Variants in RBFOX1 observed in about 807,000 individuals in gnomAD.
RBFOX1 encodes the protein RNA binding fox-1 homolog 1.
RBFOX1 carries 8 observed loss-of-function variants against 57.7 expected under a neutral mutation model. The ratio of observed to expected loss-of-function variants is 0.14; its 90% CI spans 0.08 to 0.25. The LOEUF is 0.25. Among genes scored for constraint, RBFOX1 ranks in the 10% least tolerant of loss-of-function variants. RBFOX1 has a pLI of 1.00. For synonymous variants in RBFOX1, 326 were observed against 222.4 expected (o/e 1.47, Z -4.15); for missense variants, 611 against 548.5 (o/e 1.11, Z -1.14).
At chr16:7,506,583 T>C (rs1303024476) in intron 4 of RBFOX1, among the ~76,000 whole-genome samples, 3 of 149,434 alleles carry the variant, frequency 2.0e-5, no homozygotes, top group African/African-American at 5.1e-5. Flanking sequence ...ATCACCTTCA[T>C]CATCATCATC....
intron 1 of RBFOX1, among the ~76,000 whole-genome samples, chr16:6,047,053 A>G (rs935576673): frequency 1.3e-5 from 2 of 152,188 alleles, no homozygotes; most frequent in African/African-American, 4.8e-5. Flanking sequence ...GGAGCTGAAG[A>G]TATATTCTCG....
At chr16:7,700,728 C>G (rs1007804872) in intron 14 of RBFOX1, among the ~76,000 whole-genome samples, 1 of 152,258 alleles carries the variant, frequency 6.6e-6, no homozygotes, top group African/African-American at 2.4e-5. Context: ...ATTTCATCAC[C>G]AAAAGTGGGA....
rs142800342 is a variant in RBFOX1 at position 6,782,131 on chromosome 16, C to T, written c.-16+127481C>T. Among the ~76,000 whole-genome samples, 28 of 152,200 alleles carry T rather than the reference C, an allele frequency of 1.8e-4. No homozygotes were observed. The East Asian group carries it at 3.9e-3, about 21-fold the overall frequency. On this transcript the variant is annotated intron_variant, in intron 3 of 15. Coordinates refer to ENST00000550418, the MANE Select transcript of RBFOX1 (RefSeq NM_018723.4). ...ACGTGATTCTCCTGCCTCAGCCTCC[C>T]GAGTAGCTGGGACTACGGGCATGCA... is the stretch of plus-strand genomic sequence containing the variant.
intron 2 of RBFOX1, among the ~76,000 whole-genome samples, chr16:6,635,854 A>C (rs1356740470): frequency 6.6e-6 from 1 of 152,156 alleles, no homozygotes; most frequent in Admixed American, 6.5e-5. Flanking sequence ...TATTCCTTTT[A>C]TTCAAAATGT....
At chr16:6,689,909 G>A (rs551304051) in intron 3 of RBFOX1, among the ~76,000 whole-genome samples, 12 of 152,170 alleles carry the variant, frequency 7.9e-5, no homozygotes, top group Non-Finnish European at 1.3e-4. Flanking sequence ...GTGTGCTTGT[G>A]TTTGTCAATT....
chr16:5,397,631 T>C (rs2066598254), intron 1 of RBFOX1, among the ~76,000 whole-genome samples: 1 of 152,116 alleles, frequency 6.6e-6, no homozygotes, highest in South Asian at 2.1e-4. Context: ...ATGAAAGGCA[T>C]GAAGAAAAGA....
intron 3 of RBFOX1, among the ~76,000 whole-genome samples, chr16:5,643,287 C>A (rs1008307804): frequency 6.6e-6 from 1 of 152,160 alleles, no homozygotes; most frequent in Non-Finnish European, 1.5e-5. Context: ...GGCTTCTTGG[C>A]TGTCCTTGAT....
intron 4 of RBFOX1, among the ~76,000 whole-genome samples, chr16:7,368,214 C>G (rs956958950): frequency 1.3e-5 from 2 of 150,794 alleles, no homozygotes; most frequent in African/African-American, 4.9e-5. Context: ...TTGCAATAAG[C>G]CAAGATCCTG....
At chr16:7,198,410 C>G (rs1567671789) in intron 4 of RBFOX1, among the ~76,000 whole-genome samples, 1 of 152,166 alleles carries the variant, frequency 6.6e-6, no homozygotes, top group Non-Finnish European at 1.5e-5. Flanking sequence ...CTCATTTGTA[C>G]ACTTAAAAAT....
intron 1 of RBFOX1, among the ~76,000 whole-genome samples, chr16:6,175,022 A>G (rs1253911054): frequency 6.6e-6 from 1 of 152,214 alleles, no homozygotes; most frequent in African/African-American, 2.4e-5. Context: ...TTCTTTAACC[A>G]TAGTGTGGTA....
intron 3 of RBFOX1, among the ~76,000 whole-genome samples, chr16:6,842,179 TAAATA>T (rs1373791160): frequency 6.6e-6 from 1 of 151,416 alleles, no homozygotes; most frequent in Non-Finnish European, 1.5e-5. Flanking sequence ...AATAAATAAA[TAAATA>T]AATAAATTGG....
At chr16:5,405,434 G>T (rs576748372) in intron 1 of RBFOX1, among the ~76,000 whole-genome samples, 33 of 152,192 alleles carry the variant, frequency 2.2e-4, no homozygotes, top group Non-Finnish European at 4.7e-4. Context: ...TGCCATGTAA[G>T]ATGTGCCTTT....
chr16:6,250,900 T>A (rs975952597), intron 1 of RBFOX1, among the ~76,000 whole-genome samples: 5 of 152,186 alleles, frequency 3.3e-5, no homozygotes, highest in Admixed American at 1.3e-4. Context: ...ATTGTCCCTG[T>A]CTCTGAACCC....
At chr16:7,482,392 G>A (rs17143797) in intron 4 of RBFOX1, among the ~76,000 whole-genome samples, 1 of 152,014 alleles carries the variant, frequency 6.6e-6, no homozygotes, top group African/African-American at 2.4e-5. Context: ...GACAGTGATT[G>A]CTGCGTCAGG....
At chr16:7,702,509 A>T (rs555649858) in intron 14 of RBFOX1, among the ~76,000 whole-genome samples, 2 of 152,350 alleles carry the variant, frequency 1.3e-5, no homozygotes, top group Admixed American at 1.3e-4. Flanking sequence ...GTTGGAAAAC[A>T]TAAATGCCCA....
chr16:5,924,444 T>C (rs1025816425), intron 4 of RBFOX1, among the ~76,000 whole-genome samples: 2 of 152,130 alleles, frequency 1.3e-5, no homozygotes, highest in Admixed American at 6.5e-5. Context: ...GGGAATGCGA[T>C]TGGTGGGTAA....
intron 2 of RBFOX1, among the ~76,000 whole-genome samples, chr16:5,581,182 A>G (rs1249144432): frequency 6.6e-6 from 1 of 152,166 alleles, no homozygotes; most frequent in Non-Finnish European, 1.5e-5. Context: ...TTTCTGACAG[A>G]AAAGAAACTA....
intron 3 of RBFOX1, among the ~76,000 whole-genome samples, chr16:6,832,811 T>C (rs1223902789): frequency 6.6e-6 from 1 of 152,222 alleles, no homozygotes; most frequent in Non-Finnish European, 1.5e-5. Flanking sequence ...AGCTACTGTT[T>C]TCATTCATTT....
Position 6,093,957 on chromosome 16 carries a change from C to G in RBFOX1, c.-127+73965C>G, listed in dbSNP as rs183038823. ...GAGAAGTCATATTCTTCCTCTTCTGCCCGCCCCTGCTGGCTTTCGCAAAAG... is the reference window on the plus strand; with the variant it reads ...GAGAAGTCATATTCTTCCTCTTCTGGCCGCCCCTGCTGGCTTTCGCAAAAG... On this transcript the variant is annotated intron_variant, in intron 1 of 15. Transcript: ENST00000550418. 7.9e-5 allele frequency among the ~76,000 whole-genome samples: 12 copies of G among 152,264 alleles called. No individual in the cohort carries two copies. The East Asian group carries it at 2.1e-3, about 27-fold the overall frequency.
Sources: allele counts gnomAD v4.1 joint callset (sites outside exome capture counted in the v4.1 genomes callset), GRCh38; gene constraint gnomAD v4.1.1; transcripts MANE v1.5; gene names NCBI Gene and HGNC (gene_info 2026-07-23, HGNC 2026-07-21).